Variants in ATP6V0D1 observed in about 807,000 individuals in gnomAD.
The protein encoded by ATP6V0D1 is ATPase H+ transporting V0 subunit d1.
In ATP6V0D1, 13 loss-of-function variants were observed where a neutral mutation model predicts 39.0. The observed-to-expected ratio is 0.33, with a 90% CI of 0.22 to 0.53. ATP6V0D1 has a LOEUF of 0.53. ATP6V0D1 is among the 20% of genes least tolerant of loss of function. The pLI, the probability that ATP6V0D1 is intolerant of heterozygous loss-of-function variation, is 0.94. For synonymous variants in ATP6V0D1, 191 were observed against 191.2 expected (o/e 1.00, Z 0.01); for missense variants, 272 against 470.9 (o/e 0.58, Z 3.91).
In ATP6V0D1 at chr16:67,473,334, G is replaced by A. The variant is rs538843677; in HGVS notation, c.130+7623C>T. Reference sequence around the variant, plus strand: ...AGCATACTCACAGAATTGTGCAACCGCCCCACAATCAGTTTTAGGACTTTT... The same window carrying A: ...AGCATACTCACAGAATTGTGCAACCACCCCACAATCAGTTTTAGGACTTTT... On this transcript the variant is annotated intron_variant, in intron 1 of 7. Coordinates refer to ENST00000290949, the MANE Select transcript of ATP6V0D1 (RefSeq NM_004691.5). 1.3e-3 allele frequency among the ~76,000 whole-genome samples: 192 copies of A among 152,032 alleles called. 1 individual carries two copies. The highest frequency in any genetic ancestry group is 4.1e-3 in the African/African-American group (170 of 41,464).
chr16:67,466,326 TACAC>T (rs536624557), intron 1 of ATP6V0D1, among the ~76,000 whole-genome samples: 42,305 of 120,296 alleles, frequency 0.35, 7,251 homozygotes, highest in Non-Finnish European at 0.44. Context: ...AGTAAACACA[TACAC>T]ACACACACAC....
At chr16:67,449,105 G>T (rs896053018) in intron 2 of ATP6V0D1, among the ~76,000 whole-genome samples, 3 of 152,224 alleles carry the variant, frequency 2.0e-5, no homozygotes, top group Non-Finnish European at 4.4e-5. Flanking sequence ...CACTGTCCTG[G>T]GACAAAGCCT....
intron 1 of ATP6V0D1, among the ~76,000 whole-genome samples, chr16:67,468,604 A>G (rs1412339192): frequency 6.6e-6 from 1 of 151,958 alleles, no homozygotes; most frequent in African/African-American, 2.4e-5. Flanking sequence ...AAAAAGAAAA[A>G]AAAAAAAGAA....
At chr16:67,443,794 T>G (rs566948680) in intron 3 of ATP6V0D1, among the ~76,000 whole-genome samples, 1 of 152,288 alleles carries the variant, frequency 6.6e-6, no homozygotes, top group South Asian at 2.1e-4. Context: ...AGCTCAGAGT[T>G]GCTGGGAGAG....
intron 4 of ATP6V0D1, chr16:67,440,282 G>C (rs1420841530): frequency 6.6e-6 from 1 of 152,296 alleles, no homozygotes; most frequent in Non-Finnish European, 1.5e-5. Flanking sequence ...GCTGCCGGCG[G>C]GAACAAGCAC....
At chr16:67,454,253 G>C (rs868558510) in intron 1 of ATP6V0D1, among the ~76,000 whole-genome samples, 6 of 152,338 alleles carry the variant, frequency 3.9e-5, no homozygotes, top group African/African-American at 1.2e-4. Context: ...GCAAAGGGCA[G>C]GGGCAAGAAA....
In ATP6V0D1 at chr16:67,448,760, T is replaced by C. The variant is rs188584613; in HGVS notation, c.303-4054A>G. 1.8e-4 allele frequency among the ~76,000 whole-genome samples: 27 copies of C among 152,072 alleles called. 1 individual carries two copies. The East Asian group carries it at 4.6e-3, about 26-fold the overall frequency. ...AGTCCTGCCTCTCCCCAAGGCCCAG[T>C]TGGGTCCTTCCACCTGGTCTGAGCC... On this transcript the variant is annotated intron_variant, in intron 2 of 7. Transcript: ENST00000290949.
intron 1 of ATP6V0D1, among the ~76,000 whole-genome samples, chr16:67,467,777 G>A (rs1173058621): frequency 6.6e-6 from 1 of 152,202 alleles, no homozygotes; most frequent in African/African-American, 2.4e-5. Context: ...AGATGACTTA[G>A]AGACAGTCAT....
intron 2 of ATP6V0D1, among the ~76,000 whole-genome samples, chr16:67,450,710 A>G (rs1427462256): frequency 6.6e-6 from 1 of 152,170 alleles, no homozygotes; most frequent in African/African-American, 2.4e-5. Context: ...AGGTCCCACG[A>G]GATGTTTTTT....
At chr16:67,458,991 G>C (rs2041266871) in intron 1 of ATP6V0D1, 1 of 933,252 alleles carries the variant, frequency 1.1e-6, no homozygotes, top group Non-Finnish European at 1.3e-6. Context: ...CCTCCAAATT[G>C]AATGGTTCGC....
chr16:67,465,063 C>A (rs1470264181), intron 1 of ATP6V0D1, among the ~76,000 whole-genome samples: 1 of 152,224 alleles, frequency 6.6e-6, no homozygotes, highest in Non-Finnish European at 1.5e-5. Flanking sequence ...CCCTTCGGGG[C>A]CTTGACTTTC....
intron 1 of ATP6V0D1, among the ~76,000 whole-genome samples, chr16:67,460,867 G>C (rs926688673): frequency 7.2e-5 from 11 of 152,308 alleles, no homozygotes; most frequent in African/African-American, 2.6e-4. Context: ...CAGCTGAGTG[G>C]GACAGGGGAG....
intron 1 of ATP6V0D1, chr16:67,457,412 C>A: frequency 2.4e-6 from 1 of 414,776 alleles, no homozygotes; most frequent in Non-Finnish European, 4.5e-6. Context: ...ATTCCCCAGC[C>A]CTTGACCCAG....
intron 1 of ATP6V0D1, among the ~76,000 whole-genome samples, chr16:67,472,726 C>T (rs536658634): frequency 3.9e-5 from 6 of 152,128 alleles, no homozygotes; most frequent in East Asian, 3.9e-4. Flanking sequence ...AAAAATTTGC[C>T]GGGCGTGGTG....
intron 1 of ATP6V0D1, among the ~76,000 whole-genome samples, chr16:67,458,528 A>G (rs2041261726): frequency 1.3e-5 from 2 of 152,162 alleles, no homozygotes; most frequent in African/African-American, 2.4e-5. Flanking sequence ...ATGAGCAAGC[A>G]GTGTTCTGGC....
chr16:67,445,841 C>A, intron 2 of ATP6V0D1: 1 of 442,842 alleles, frequency 2.3e-6, no homozygotes, highest in South Asian at 1.6e-5. Context: ...AGGCAGTAAG[C>A]CCCATTCCAC....
intron 1 of ATP6V0D1, among the ~76,000 whole-genome samples, chr16:67,464,309 A>G (rs540817922): frequency 6.6e-6 from 1 of 152,352 alleles, no homozygotes; most frequent in Non-Finnish European, 1.5e-5. Flanking sequence ...AACAAATGGA[A>G]GAATAGATAA....
chr16:67,454,693 T>A (rs2142314697), intron 1 of ATP6V0D1: 1 of 152,152 alleles, frequency 6.6e-6, no homozygotes, highest in South Asian at 2.1e-4. Context: ...GCCAGAGTGA[T>A]CTTTTTAAAA....
chr16:67,477,645 G>GTA (rs1160123206), intron 1 of ATP6V0D1, among the ~76,000 whole-genome samples: 2 of 151,528 alleles, frequency 1.3e-5, no homozygotes, highest in African/African-American at 2.4e-5. Flanking sequence ...CTTCTTATTT[G>GTA]TATATGTTTG....
Sources: allele counts gnomAD v4.1 joint callset (sites outside exome capture counted in the v4.1 genomes callset), GRCh38; gene constraint gnomAD v4.1.1; transcripts MANE v1.5; gene names NCBI Gene and HGNC (gene_info 2026-07-23, HGNC 2026-07-21).